The following KDM3B variants were observed in gnomAD, a reference collection of about 807,000 sequenced individuals.
KDM3B encodes lysine-specific demethylase 3B.
In KDM3B, 10 loss-of-function variants were observed where a neutral mutation model predicts 170.0. The observed-to-expected ratio is 0.06, with a 90% CI of 0.04 to 0.10. The LOEUF (loss-of-function observed/expected upper bound fraction) is 0.10, where lower values mean the gene tolerates loss of function less well. Ranked by LOEUF, KDM3B falls within the 10% of genes least tolerant of loss-of-function variation. The pLI is 1.00. For synonymous variants in KDM3B, 831 were observed against 834.8 expected (o/e 1.00, Z 0.08); for missense variants, 1,394 against 2,195.2 (o/e 0.64, Z 7.29).
intron 11 of KDM3B, among the ~76,000 whole-genome samples, chr5:138,401,142 A>C (rs575054552): frequency 2.6e-5 from 4 of 152,082 alleles, no homozygotes; most frequent in Non-Finnish European, 5.9e-5. Flanking sequence ...ATGGTGGCGC[A>C]TACCTGTAAT....
At chr5:138,387,391 T>G (rs568827947) in intron 7 of KDM3B, among the ~76,000 whole-genome samples, 57 of 152,270 alleles carry the variant, frequency 3.7e-4, no homozygotes, top group Non-Finnish European at 7.4e-4. Context: ...CAAGCTAAAA[T>G]ATGAAATACA....
At chr5:138,406,421 A>G (rs1762822608) in intron 11 of KDM3B, among the ~76,000 whole-genome samples, 1 of 152,178 alleles carries the variant, frequency 6.6e-6, no homozygotes, top group African/African-American at 2.4e-5. Flanking sequence ...AGGCAGGTGG[A>G]TCACCTGAGG....
At chr5:138,421,144 A>G (rs547465350) in intron 15 of KDM3B, among the ~76,000 whole-genome samples, 182 bp downstream of exon 15, 1 of 152,356 alleles carries the variant, frequency 6.6e-6, no homozygotes, top group African/African-American at 2.4e-5. Context: ...CATGTTAGGA[A>G]GTCTGTAAAA....
At chr5:138,371,436 C>T (rs1043111306) in intron 1 of KDM3B, among the ~76,000 whole-genome samples, 1 of 103,292 alleles carries the variant, frequency 9.7e-6, no homozygotes, top group Non-Finnish European at 2.0e-5. Context: ...GTTTGGGCAA[C>T]AAAGTGAGAC....
intron 7 of KDM3B, among the ~76,000 whole-genome samples, chr5:138,390,157 C>T (rs1018190638): frequency 6.6e-6 from 1 of 151,972 alleles, no homozygotes; most frequent in African/African-American, 2.4e-5. Flanking sequence ...CCGCGCCAGG[C>T]CCCATTCTTC....
At chr5:138,405,445 G>A (rs1208654740) in intron 11 of KDM3B, among the ~76,000 whole-genome samples, 2 of 152,040 alleles carry the variant, frequency 1.3e-5, no homozygotes, top group African/African-American at 2.4e-5. Flanking sequence ...GGTTGAGGCC[G>A]CAGGGAGCCA....
At chr5:138,385,012 T>TTTTTG (rs553969638) in intron 6 of KDM3B, among the ~76,000 whole-genome samples, 6 of 151,926 alleles carry the variant, frequency 3.9e-5, no homozygotes, top group African/African-American at 7.3e-5. Flanking sequence ...GCATAACAGT[T>TTTTTG]TTTTGTTTTG....
chr5:138,375,186 A>C lies in KDM3B; in HGVS notation c.454A>C (p.Asn152His). The change falls in exon 3 of 24, where the codon AAT becomes CAT. Residue 152 changes from asparagine to histidine, a missense_variant. By Grantham distance (68) the Asn-to-His change is moderately conservative. Coordinates refer to ENST00000314358, the MANE Select transcript of KDM3B (RefSeq NM_016604.4). ...DRELRFLSDA[N>H]GLHLFQMGTD... ...AGAGCTTCGGTTCCTGTCAGATGCCAATGGGTTGCATCTGTTTCAGGTATT... is the reference window on the plus strand; with the variant it reads ...AGAGCTTCGGTTCCTGTCAGATGCCCATGGGTTGCATCTGTTTCAGGTATT... 1 of 1,611,586 alleles carries C rather than the reference A, an allele frequency of 6.2e-7. No individual in the cohort carries two copies. The highest frequency in any genetic ancestry group is 1.3e-5 in the African/African-American group (1 of 74,930).
At chr5:138,358,977 T>A in intron 1 of KDM3B, among the ~76,000 whole-genome samples, 1 of 131,566 alleles carries the variant, frequency 7.6e-6, no homozygotes, top group African/African-American at 2.8e-5. Flanking sequence ...CAGAGTGTGA[T>A]GTTCCCCTTC....
chr5:138,409,524 A>G (rs558784691), intron 11 of KDM3B, among the ~76,000 whole-genome samples: 1 of 152,290 alleles, frequency 6.6e-6, no homozygotes, highest in Non-Finnish European at 1.5e-5. Flanking sequence ...AATTTAGCCA[A>G]TACCTACAAG....
In KDM3B at chr5:138,363,914, C is replaced by CTT. The variant is rs11409334; in HGVS notation, c.193-8746_193-8745dup. Among the ~76,000 whole-genome samples the CTT allele has an allele frequency of 3.7e-3, 498 of 133,882 alleles. 8 individuals carry two copies. Among genetic ancestry groups the CTT allele is most frequent in the African/African-American group, 0.011 (389 of 36,026 alleles). The allele number at this position is 133,882 out of a possible 152,430, so 87.8% of individuals were successfully genotyped here. On this transcript the variant is annotated intron_variant, in intron 1 of 23. Coordinates refer to ENST00000314358, the MANE Select transcript of KDM3B (RefSeq NM_016604.4). ...GTGGCAGTTATTCTATTTAGTTTTT[C>CTT]TTTTTTTTTTTTTTTCGAGATGGAG...
At chr5:138,385,680 T>C (rs1227805424) in intron 6 of KDM3B, among the ~76,000 whole-genome samples, 2 of 152,214 alleles carry the variant, frequency 1.3e-5, no homozygotes, top group Non-Finnish European at 2.9e-5. Flanking sequence ...CATCAAGGGG[T>C]AAATGAGCTC....
chr5:138,414,456 C>T (rs941051920), intron 11 of KDM3B, among the ~76,000 whole-genome samples: 7 of 152,032 alleles, frequency 4.6e-5, no homozygotes, highest in Non-Finnish European at 7.4e-5. Context: ...TGAGCCACTG[C>T]GCCCAGCCAA....
intron 20 of KDM3B, 53 bp from the exon 21 acceptor site, chr5:138,429,773 C>T: frequency 6.3e-7 from 1 of 1,577,304 alleles, no homozygotes; most frequent in Non-Finnish European, 8.7e-7. Context: ...TCATTTCACT[C>T]AGTGGTACTG....
intron 11 of KDM3B, among the ~76,000 whole-genome samples, chr5:138,406,305 A>G (rs1437361569): frequency 6.6e-6 from 1 of 152,184 alleles, no homozygotes. Flanking sequence ...TGATTGCACC[A>G]CTGCATTCCA....
chr5:138,385,041 T>G (rs1005668499), intron 6 of KDM3B, among the ~76,000 whole-genome samples: 1 of 151,880 alleles, frequency 6.6e-6, no homozygotes, highest in Non-Finnish European at 1.5e-5. Flanking sequence ...TGTTTTTTGA[T>G]AAGGAGTTTC....
intron 1 of KDM3B, among the ~76,000 whole-genome samples, chr5:138,368,212 G>A (rs961685614): frequency 6.6e-6 from 1 of 150,438 alleles, no homozygotes; most frequent in Non-Finnish European, 1.5e-5. Flanking sequence ...TAAAATGGTT[G>A]TTCTTCTTCT....
At chr5:138,362,783 C>T (rs1293919946) in intron 1 of KDM3B, among the ~76,000 whole-genome samples, 2 of 148,838 alleles carry the variant, frequency 1.3e-5, no homozygotes, top group Non-Finnish European at 1.5e-5. Context: ...TACATGTGCA[C>T]AACGTGCAGG....
chr5:138,355,117 C>T (rs1164572106), intron 1 of KDM3B, among the ~76,000 whole-genome samples: 1 of 152,142 alleles, frequency 6.6e-6, no homozygotes, highest in African/African-American at 2.4e-5. Context: ...AAGTGTTCTT[C>T]CCGTACTCAA....
Sources: gnomAD v4.1 joint callset for allele counts (sites outside exome capture counted in the v4.1 genomes callset) on GRCh38, gnomAD v4.1.1 for gene constraint, MANE v1.5 for transcripts, NCBI Gene and HGNC (gene_info 2026-07-23, HGNC 2026-07-21) for gene names.